The following KIF16B variants were observed in gnomAD, a reference collection of about 807,000 sequenced individuals.
KIF16B encodes the protein kinesin-like protein KIF16B.
KIF16B carries 98 observed loss-of-function variants against 156.3 expected under a neutral mutation model. The observed-to-expected ratio is 0.63, with a 90% CI of 0.53 to 0.74. The LOEUF is 0.74. KIF16B is among the 30% of genes least tolerant of loss of function. The probability of loss-of-function intolerance (pLI) is 0.00; values close to 1 mark genes in which losing one functional copy is unlikely to be tolerated. For missense variants in KIF16B, 1,421 were observed against 1,606.5 expected (o/e 0.88, Z 1.97); for synonymous variants, 564 against 583.7 (o/e 0.97, Z 0.49).
In KIF16B at chr20:16,373,762, C is replaced by T. The variant is rs74555758; in HGVS notation, c.3350+495G>A. ...TTTCATTCCGCCCTCTCACTCAAACCACACTTGACCCTTGAACAACACAGG... is the reference window on the plus strand; with the variant it reads ...TTTCATTCCGCCCTCTCACTCAAACTACACTTGACCCTTGAACAACACAGG... On this transcript the variant is annotated intron_variant, in intron 20 of 25. Transcript: ENST00000354981. Among the ~76,000 whole-genome samples the T allele has an allele frequency of 8.6e-3, 1,306 of 152,330 alleles. 25 individuals are homozygous for T. Among genetic ancestry groups the T allele is most frequent in the African/African-American group, 0.03 (1,249 of 41,570 alleles).
At chr20:16,500,248 T>C (rs561345322) in intron 10 of KIF16B, among the ~76,000 whole-genome samples, 4 of 152,324 alleles carry the variant, frequency 2.6e-5, no homozygotes, top group Admixed American at 6.5e-5. Context: ...TTCAATGACA[T>C]TGAATATACT....
In KIF16B at chr20:16,526,110, A is replaced by G; in HGVS notation, c.213T>C (p.Asp71=). ...CATATACCATTTCTTGTGAAACGTA[A>G]TCTGGGCTTTTTGTATCAGCAGAAT... ...SFYSADTKSP[D]YVSQEMVFKT... is the part of the protein sequence containing the mutation. Residue 71 remains aspartate, a synonymous_variant, in exon 3 of 26, where the codon GAT becomes GAC. Transcript: ENST00000354981. 3 of 1,594,748 alleles carry G rather than the reference A, an allele frequency of 1.9e-6. No individual in the cohort carries two copies. Among genetic ancestry groups the G allele is most frequent in the Non-Finnish European group, 2.6e-6 (3 of 1,167,542 alleles).
intron 15 of KIF16B, among the ~76,000 whole-genome samples, chr20:16,412,682 G>A (rs2065988579): frequency 6.6e-6 from 1 of 152,020 alleles, no homozygotes; most frequent in South Asian, 2.1e-4. Context: ...CAGAATGGGG[G>A]TAACCACCCC....
At chr20:16,431,412 C>T (rs2066495718) in intron 12 of KIF16B, among the ~76,000 whole-genome samples, 1 of 152,150 alleles carries the variant, frequency 6.6e-6, no homozygotes, top group Non-Finnish European at 1.5e-5. Context: ...CTCCCCTTTG[C>T]TCACTCCTCT....
intron 11 of KIF16B, among the ~76,000 whole-genome samples, chr20:16,495,920 G>A (rs966186115): frequency 3.9e-5 from 6 of 152,048 alleles, no homozygotes; most frequent in African/African-American, 1.4e-4. Context: ...TGAGCTCCTG[G>A]GCTCAGGCGA....
intron 22 of KIF16B, chr20:16,368,593 A>G: frequency 1.0e-6 from 1 of 985,896 alleles, no homozygotes; most frequent in Non-Finnish European, 1.2e-6. Context: ...CTTGTGGTAA[A>G]AATATCCCAG....
chr20:16,561,624 A>T (rs2071067258), intron 1 of KIF16B, among the ~76,000 whole-genome samples: 1 of 152,216 alleles, frequency 6.6e-6, no homozygotes, highest in Non-Finnish European at 1.5e-5. Flanking sequence ...AAAAAAAATA[A>T]AACATTACAG....
At chr20:16,442,005 G>A (rs968639673) in intron 12 of KIF16B, among the ~76,000 whole-genome samples, 4 of 152,056 alleles carry the variant, frequency 2.6e-5, no homozygotes, top group Non-Finnish European at 4.4e-5. Flanking sequence ...ACTTAACAAC[G>A]GGGATGCATT....
At chr20:16,365,539 C>A (rs2064645211) in intron 22 of KIF16B, among the ~76,000 whole-genome samples, 1 of 152,134 alleles carries the variant, frequency 6.6e-6, no homozygotes, top group Non-Finnish European at 1.5e-5. Flanking sequence ...GTCTGTGGAT[C>A]GTAACACATT....
chr20:16,505,593 G>T, intron 9 of KIF16B, 129 bp downstream of exon 9: 2 of 809,768 alleles, frequency 2.5e-6, no homozygotes, highest in South Asian at 3.8e-5. Flanking sequence ...TTTTCCTCAA[G>T]ATAGAAAAAC....
intron 25 of KIF16B, among the ~76,000 whole-genome samples, chr20:16,273,772 T>A (rs986551103): frequency 6.6e-6 from 1 of 152,136 alleles, no homozygotes; most frequent in African/African-American, 2.4e-5. Flanking sequence ...CCCACCCACC[T>A]GGAAAGTGCT....
At chr20:16,516,382 C>A (rs1232722056) in intron 3 of KIF16B, among the ~76,000 whole-genome samples, 2 of 152,000 alleles carry the variant, frequency 1.3e-5, no homozygotes, top group Non-Finnish European at 2.9e-5. Flanking sequence ...AATGCTTCAC[C>A]CAGACAACTG....
At chr20:16,332,136 T>C (rs184687534) in intron 24 of KIF16B, among the ~76,000 whole-genome samples, 1 of 152,318 alleles carries the variant, frequency 6.6e-6, no homozygotes, top group Non-Finnish European at 1.5e-5. Context: ...TTTTTTCCCA[T>C]TTTTATATTA....
intron 12 of KIF16B, among the ~76,000 whole-genome samples, chr20:16,487,072 T>C (rs1182789343): frequency 3.3e-5 from 5 of 151,938 alleles, no homozygotes; most frequent in African/African-American, 4.8e-5. Flanking sequence ...GCTAACACGG[T>C]GAAACCCCAT....
chr20:16,382,902 T>C (rs1392643325), intron 17 of KIF16B, among the ~76,000 whole-genome samples: 1 of 152,196 alleles, frequency 6.6e-6, no homozygotes, highest in East Asian at 1.9e-4. Flanking sequence ...TTGGAAACAA[T>C]TACTTAGTCA....
chr20:16,376,942 G>C (rs1266137460), intron 19 of KIF16B, among the ~76,000 whole-genome samples: 3 of 152,256 alleles, frequency 2.0e-5, no homozygotes, highest in East Asian at 1.9e-4. Flanking sequence ...ACAGCATTAG[G>C]GTTTTTGATT....
Position 16,529,271 on chromosome 20 carries a change from CT to C in KIF16B, c.48-832del, listed in dbSNP as rs11355439. Among the ~76,000 whole-genome samples the C allele has an allele frequency of 2.9e-3, 448 of 152,226 alleles. 11 individuals are homozygous for C. The East Asian group carries it at 0.056, about 19-fold the overall frequency. ...TAGATTTCTGCAAATATACTTTGAT[CT>C]GGAGGTCATCTTTAGAACGATAAAA... On this transcript the variant is annotated intron_variant, in intron 1 of 25. Transcript: ENST00000354981.
chr20:16,483,573 T>C (rs924503531), intron 12 of KIF16B, among the ~76,000 whole-genome samples: 5 of 152,180 alleles, frequency 3.3e-5, no homozygotes, highest in African/African-American at 1.2e-4. Flanking sequence ...CATGCTGTAA[T>C]GCTCACAGTG....
chr20:16,450,033 AAT>A (rs2067035812), intron 12 of KIF16B, among the ~76,000 whole-genome samples: 1 of 152,220 alleles, frequency 6.6e-6, no homozygotes, highest in Non-Finnish European at 1.5e-5. Context: ...TATATAAATT[AAT>A]ATACTATGGA....
Sources: allele counts gnomAD v4.1 joint callset (sites outside exome capture counted in the v4.1 genomes callset), GRCh38; gene constraint gnomAD v4.1.1; transcripts MANE v1.5; gene names NCBI Gene and HGNC (gene_info 2026-07-23, HGNC 2026-07-21).